AKAP6: variants seen among roughly 807,000 people sequenced by gnomAD.
The protein encoded by AKAP6 is A-kinase anchor protein 6.
In AKAP6, 58 loss-of-function variants were observed where a neutral mutation model predicts 188.5. That is an observed-to-expected ratio of 0.31 (90% CI 0.25 to 0.38). The LOEUF is 0.38. AKAP6 is among the 10% of genes least tolerant of loss of function. AKAP6 has a pLI of 1.00. For missense variants in AKAP6, 2,710 were observed against 2,740.0 expected (o/e 0.99, Z 0.24); for synonymous variants, 989 against 998.6 (o/e 0.99, Z 0.18).
chr14:32,545,462 G>A lies in AKAP6; in HGVS notation c.809G>A (p.Arg270Gln), dbSNP rs752009306. ...GAAAAGGAGTTTCCTGAGCTTATCC[G>A]AAGTGTTGGTTTACTTACGGTAGCT... ...EMEKEFPELI[R>Q]SVGLLTVAAD... is the part of the protein sequence containing the mutation. The change falls in exon 4 of 14, where the codon CGA (arginine) becomes CAA (glutamine). Residue 270 changes from arginine to glutamine, a missense_variant. By Grantham distance (43) the Arg-to-Gln change is conservative. Transcript: ENST00000280979. 1.7e-5 allele frequency: 27 copies of A among 1,614,052 alleles called. No individual in the cohort carries two copies. The East Asian group carries it at 2.0e-4, about 12-fold the overall frequency.
intron 9 of AKAP6, among the ~76,000 whole-genome samples, chr14:32,725,955 G>A (rs1200993691): frequency 6.6e-6 from 1 of 152,120 alleles, no homozygotes; most frequent in Non-Finnish European, 1.5e-5. Context: ...ACAGGCTTAA[G>A]TAGATCAGGA....
At chr14:32,805,539 C>A (rs1005582667) in intron 12 of AKAP6, among the ~76,000 whole-genome samples, 1 of 152,084 alleles carries the variant, frequency 6.6e-6, no homozygotes, top group African/African-American at 2.4e-5. Flanking sequence ...TGTGTTATGA[C>A]TTGAAAAAGG....
intron 7 of AKAP6, among the ~76,000 whole-genome samples, chr14:32,613,577 A>G (rs1265298718): frequency 6.6e-6 from 1 of 152,160 alleles, no homozygotes; most frequent in African/African-American, 2.4e-5. Flanking sequence ...TAAGGTAATA[A>G]TAGTATGATA....
chr14:32,782,297 A>G (rs1466737978), intron 12 of AKAP6, among the ~76,000 whole-genome samples: 2 of 150,192 alleles, frequency 1.3e-5, no homozygotes, highest in Non-Finnish European at 3.0e-5. Flanking sequence ...AACAGTTAAC[A>G]TCATACTCAA....
At chr14:32,475,764 G>A (rs137931579) in intron 2 of AKAP6, among the ~76,000 whole-genome samples, 129 of 147,254 alleles carry the variant, frequency 8.8e-4, no homozygotes, top group African/African-American at 2.7e-3. Context: ...TGCAAGCTCC[G>A]TCTCCTGGGT....
At chr14:32,520,984 T>C (rs1881800290) in intron 2 of AKAP6, among the ~76,000 whole-genome samples, 3 of 152,164 alleles carry the variant, frequency 2.0e-5, no homozygotes, top group Admixed American at 1.3e-4. Context: ...TCAAAACACT[T>C]ATCTACCAAG....
intron 1 of AKAP6, among the ~76,000 whole-genome samples, chr14:32,357,768 C>A (rs763786118): frequency 2.0e-5 from 3 of 152,240 alleles, no homozygotes; most frequent in Non-Finnish European, 4.4e-5. Context: ...CAACTGCCAT[C>A]TTCTGGAAAG....
chr14:32,729,567 A>AT (rs781235759), intron 9 of AKAP6, among the ~76,000 whole-genome samples: 21 of 152,118 alleles, frequency 1.4e-4, no homozygotes, highest in Non-Finnish European at 2.6e-4. Context: ...CAGGGATGGC[A>AT]TTTAGAATAG....
In AKAP6 at chr14:32,506,336, T is replaced by C. The variant is rs1594687436; in HGVS notation, c.325-29218T>C. On this transcript the variant is annotated intron_variant, in intron 2 of 13. Transcript: ENST00000280979. ...GATTAATGAATGGACTGCCCTCACC[T>C]AATGGCCGATAAGTCTAGGTGTGTC... Among the ~76,000 whole-genome samples the C allele has an allele frequency of 2.0e-5, 3 of 152,166 alleles. No homozygotes were observed. The South Asian group carries it at 6.2e-4, about 32-fold the overall frequency.
chr14:32,804,938 A>C (rs796160022), intron 12 of AKAP6, among the ~76,000 whole-genome samples: 3 of 151,930 alleles, frequency 2.0e-5, no homozygotes, highest in Non-Finnish European at 4.4e-5. Context: ...GCCCAACCCC[A>C]CAGGCAGTCA....
intron 11 of AKAP6, among the ~76,000 whole-genome samples, chr14:32,741,501 G>A (rs781400163): frequency 5.3e-5 from 8 of 151,722 alleles, no homozygotes; most frequent in Non-Finnish European, 8.8e-5. Flanking sequence ...TGGCTCGGTC[G>A]TATATAGCTT....
chr14:32,492,328 C>T (rs1202291893), intron 2 of AKAP6, among the ~76,000 whole-genome samples: 1 of 53,336 alleles, frequency 1.9e-5, no homozygotes, highest in Admixed American at 3.4e-4. Flanking sequence ...GCTTCTCAAA[C>T]TACATTGTAA....
At chr14:32,713,611 T>C (rs1206272792) in intron 9 of AKAP6, among the ~76,000 whole-genome samples, 1 of 152,110 alleles carries the variant, frequency 6.6e-6, no homozygotes, top group Non-Finnish European at 1.5e-5. Context: ...TGCACTTTTA[T>C]GTTATGGAGA....
intron 9 of AKAP6, among the ~76,000 whole-genome samples, chr14:32,721,183 C>T (rs1476171289): frequency 1.3e-5 from 2 of 152,136 alleles, no homozygotes; most frequent in Admixed American, 1.3e-4. Flanking sequence ...GGCAATGATC[C>T]ACATCGTCAC....
At chr14:32,567,115 C>T (rs1884228753) in intron 4 of AKAP6, among the ~76,000 whole-genome samples, 1 of 152,028 alleles carries the variant, frequency 6.6e-6, no homozygotes, top group South Asian at 2.1e-4. Context: ...GAGATGGAGT[C>T]TCACCATATT....
chr14:32,619,866 C>T (rs932804998), intron 7 of AKAP6, among the ~76,000 whole-genome samples: 1 of 151,996 alleles, frequency 6.6e-6, no homozygotes, highest in African/African-American at 2.4e-5. Flanking sequence ...TTTTGTAGTT[C>T]TCCTTGTAGA....
intron 1 of AKAP6, among the ~76,000 whole-genome samples, chr14:32,398,204 G>A (rs1888941829): frequency 6.6e-6 from 1 of 152,206 alleles, no homozygotes; most frequent in African/African-American, 2.4e-5. Flanking sequence ...GTGCTCCCAT[G>A]CTTTCTTCCA....
chr14:32,471,260 T>C (rs1878762403), intron 2 of AKAP6, among the ~76,000 whole-genome samples: 1 of 152,240 alleles, frequency 6.6e-6, no homozygotes, highest in African/African-American at 2.4e-5. Context: ...TAAAATGTAC[T>C]GCCAAAGTTA....
chr14:32,359,482 A>G (rs1001708848), intron 1 of AKAP6, among the ~76,000 whole-genome samples: 2 of 152,018 alleles, frequency 1.3e-5, no homozygotes, highest in African/African-American at 2.4e-5. Flanking sequence ...TTCCTTTAAT[A>G]TTGACATCAG....
Sources: allele counts gnomAD v4.1 joint callset (sites outside exome capture counted in the v4.1 genomes callset), GRCh38; gene constraint gnomAD v4.1.1; transcripts MANE v1.5; gene names NCBI Gene and HGNC (gene_info 2026-07-23, HGNC 2026-07-21).